Variants in ZC3H4 observed in about 807,000 individuals in gnomAD.
ZC3H4 encodes zinc finger CCCH-type containing 4.
ZC3H4 carries 13 observed loss-of-function variants against 108.3 expected under a neutral mutation model. That is an observed-to-expected ratio of 0.12 (90% CI 0.08 to 0.19). The LOEUF is 0.19. Among genes scored for constraint, ZC3H4 ranks in the 10% least tolerant of loss-of-function variants. The probability of loss-of-function intolerance (pLI) is 1.00; values close to 1 mark genes in which losing one functional copy is unlikely to be tolerated. For synonymous variants in ZC3H4, 917 were observed against 749.6 expected, an observed-to-expected ratio of 1.22 and a Z score of -3.65; for missense variants, 1,734 against 1,838.8, an observed-to-expected ratio of 0.94 and a Z score of 1.04.
chr19:47,103,522 A>G (rs2057929309), intron 2 of ZC3H4, among the ~76,000 whole-genome samples: 1 of 151,768 alleles, frequency 6.6e-6, no homozygotes, highest in South Asian at 2.1e-4. Context: ...AGTGGCTCAT[A>G]CCTGTAATCT....
rs556468768 is a variant in ZC3H4 at position 47,110,174 on chromosome 19, A to G, written c.161+2250T>C. Among the ~76,000 whole-genome samples the G allele has an allele frequency of 7.9e-5, 12 of 152,196 alleles. No individual in the cohort carries two copies. The East Asian group carries it at 1.4e-3, about 17-fold the overall frequency. ...TCACCACAAGAGACATTGGAGTAAA[A>G]TGAGAAAATTGGAGCTACTTGAACC... On this transcript the variant is annotated intron_variant, in intron 2 of 14. Transcript: ENST00000253048.
intron 1 of ZC3H4, among the ~76,000 whole-genome samples, chr19:47,112,840 CCCCCCCCCCA>C (rs2058058489): frequency 7.8e-6 from 1 of 127,498 alleles, no homozygotes; most frequent in Non-Finnish European, 1.6e-5. Flanking sequence ...GGGGCGAGAG[CCCCCCCCCCA>C]CGCACCCCCG....
chr19:47,086,358 G>A (rs759910217), intron 6 of ZC3H4, 26 bp downstream of exon 6: 16 of 1,610,896 alleles, frequency 9.9e-6, no homozygotes, highest in Middle Eastern at 1.6e-4. Context: ...TCACCCCGAC[G>A]TCCCCAGGGC....
At chr19:47,091,720 T>C (rs1288899808) in intron 4 of ZC3H4, among the ~76,000 whole-genome samples, 1 of 150,586 alleles carries the variant, frequency 6.6e-6, no homozygotes, top group African/African-American at 2.4e-5. Context: ...ACCCCGTCTC[T>C]ACTAAAAATA....
intron 10 of ZC3H4, among the ~76,000 whole-genome samples, chr19:47,081,917 A>T (rs1334673186): frequency 2.0e-5 from 3 of 152,184 alleles, no homozygotes; most frequent in Non-Finnish European, 4.4e-5. Context: ...AACCACCTGG[A>T]AGAATCTCAG....
intron 2 of ZC3H4, chr19:47,110,868 G>C: frequency 1.1e-6 from 1 of 911,856 alleles, no homozygotes; most frequent in Non-Finnish European, 1.3e-6. Context: ...GAACAAAACA[G>C]AAAAAAAAAA....
chr19:47,093,215 CAAAAAAAAAAA>C (rs918382221), intron 4 of ZC3H4, among the ~76,000 whole-genome samples: 3 of 48,420 alleles, frequency 6.2e-5, no homozygotes, highest in Admixed American at 2.2e-4. Context: ...GACTCTGCCT[CAAAAAAAAAAA>C]AAAAAAAAAA....
chr19:47,106,870 C>G (rs2057974583), intron 2 of ZC3H4, among the ~76,000 whole-genome samples: 2 of 152,158 alleles, frequency 1.3e-5, no homozygotes, highest in Admixed American at 6.5e-5. Context: ...AGTGAAGAAT[C>G]CTGGAGCTGG....
At chr19:47,098,501 A>T (rs910929379) in intron 2 of ZC3H4, among the ~76,000 whole-genome samples, 6 of 150,726 alleles carry the variant, frequency 4.0e-5, no homozygotes, top group African/African-American at 1.5e-4. Context: ...AAAAAAAAAA[A>T]AAAACTAATC....
At chr19:47,112,974 G>A (rs1244675826) in intron 1 of ZC3H4, among the ~76,000 whole-genome samples, 3 of 152,172 alleles carry the variant, frequency 2.0e-5, no homozygotes, top group Admixed American at 6.5e-5. Context: ...AGCGAGCGAG[G>A]GGGGTGGGGG....
chr19:47,088,688 G>T (rs961882993), intron 5 of ZC3H4, among the ~76,000 whole-genome samples: 1 of 152,058 alleles, frequency 6.6e-6, no homozygotes, highest in Non-Finnish European at 1.5e-5. Flanking sequence ...ATGGGATCTC[G>T]CTGTGTTGCC....
Position 47,097,119 on chromosome 19 carries a change from G to A in ZC3H4, c.162-2511C>T, listed in dbSNP as rs528620769. 4 of 483,572 alleles carry A rather than the reference G, an allele frequency of 8.3e-6. No individual in the cohort carries two copies. The Admixed American group carries it at 2.6e-4, about 31-fold the overall frequency. The allele number at this position is 483,572 out of a possible 1,614,324, so 30.0% of individuals were successfully genotyped here. On this transcript the variant is annotated intron_variant, in intron 2 of 14. Coordinates refer to ENST00000253048, the MANE Select transcript of ZC3H4 (RefSeq NM_015168.2). ...ATTCTAGAAAGGAATCACCAAGGTAGAGAAGTGCAGCATTCAAATTCACCC... is the reference window on the plus strand; with the variant it reads ...ATTCTAGAAAGGAATCACCAAGGTAAAGAAGTGCAGCATTCAAATTCACCC...
chr19:47,086,830 C>T (rs2057637397), intron 5 of ZC3H4, among the ~76,000 whole-genome samples: 1 of 152,178 alleles, frequency 6.6e-6, no homozygotes, highest in Non-Finnish European at 1.5e-5. Flanking sequence ...TGGCAAACAC[C>T]AGCCCATGGG....
chr19:47,101,239 G>A (rs1195795892), intron 2 of ZC3H4, among the ~76,000 whole-genome samples: 1 of 151,878 alleles, frequency 6.6e-6, no homozygotes, highest in Non-Finnish European at 1.5e-5. Context: ...AGAGGCTAAG[G>A]CGAGAGGATC....
At chr19:47,070,357 G>A (rs557106735) in intron 13 of ZC3H4, among the ~76,000 whole-genome samples, 1 of 152,154 alleles carries the variant, frequency 6.6e-6, no homozygotes, top group Admixed American at 6.5e-5. Context: ...TCCCAGCGCA[G>A]AGCTGGGACC....
intron 10 of ZC3H4, 40 bp from the exon 11 acceptor site, chr19:47,081,662 C>G: frequency 6.5e-7 from 1 of 1,538,904 alleles, no homozygotes. Context: ...TCTCACAGAA[C>G]GCCCCCCTCC....
intron 11 of ZC3H4, among the ~76,000 whole-genome samples, chr19:47,077,624 C>T (rs901530828): frequency 1.3e-5 from 2 of 151,840 alleles, no homozygotes; most frequent in African/African-American, 2.4e-5. Context: ...GAGGCCAAGG[C>T]GGGCGTGGAT....
intron 2 of ZC3H4, among the ~76,000 whole-genome samples, chr19:47,110,349 TGGAAA>T (rs1309330867): frequency 6.6e-6 from 1 of 152,130 alleles, no homozygotes; most frequent in Admixed American, 6.5e-5. Flanking sequence ...TGGATTGAAA[TGGAAA>T]GAAGGATGCC....
intron 2 of ZC3H4, among the ~76,000 whole-genome samples, chr19:47,108,696 C>T (rs2057998217): frequency 6.6e-6 from 1 of 152,214 alleles, no homozygotes; most frequent in South Asian, 2.1e-4. Flanking sequence ...GCCTTCCTGG[C>T]TGTGGAAAAA....
Sources: allele counts gnomAD v4.1 joint callset (sites outside exome capture counted in the v4.1 genomes callset), GRCh38; gene constraint gnomAD v4.1.1; transcripts MANE v1.5; gene names NCBI Gene and HGNC (gene_info 2026-07-23, HGNC 2026-07-21).